RFC2: variants seen among roughly 807,000 people sequenced by gnomAD.
The protein encoded by RFC2 is replication factor C subunit 2, also known as A1 40 kDa subunit.
In RFC2, 34 loss-of-function variants were observed where a neutral mutation model predicts 44.8. The observed-to-expected ratio is 0.76, with a 90% CI of 0.58 to 1.01. RFC2 has a LOEUF of 1.01. Ranked by LOEUF, RFC2 falls within the 50% of genes least tolerant of loss-of-function variation. The pLI is 0.00. For synonymous variants in RFC2, 177 were observed against 168.9 expected (o/e 1.05, Z -0.37); for missense variants, 400 against 453.6 (o/e 0.88, Z 1.07).
Position 74,231,890 on chromosome 7 carries a change from G to A in RFC2, c.*216C>T, listed in dbSNP as rs907250021. ...AGACAGGGTTTCCCCATGTTGGCCA[G>A]GCTGGTCTTGAACTTCTGACCTCAG... On this transcript the variant is annotated 3_prime_UTR_variant, in exon 11 of 11. Transcript: ENST00000055077. The A allele has an allele frequency of 1.2e-5, 5 of 409,678 alleles. No individual in the cohort carries two copies. Among genetic ancestry groups the A allele is most frequent in the African/African-American group, 2.1e-5 (1 of 48,700 alleles). The allele number at this position is 409,678 out of a possible 1,614,324, so 25.4% of individuals were successfully genotyped here.
In RFC2 at chr7:74,232,017, G is replaced by T; in HGVS notation, c.*89C>A. 1.3e-6 allele frequency: 1 copy of T among 794,724 alleles called. No individual in the cohort carries two copies. Among genetic ancestry groups the T allele is most frequent in the Non-Finnish European group, 2.2e-6 (1 of 458,886 alleles). 49.2% of individuals were successfully genotyped at this position (794,724 alleles called of 1,614,324 possible). ...TTAAAGGACAGTCATGTTGGCTCCA[G>T]CCTAAGGCGGCATTTTCCCCCATCA... is the stretch of plus-strand genomic sequence containing the variant. On this transcript the variant is annotated 3_prime_UTR_variant, in exon 11 of 11. Coordinates refer to ENST00000055077, the MANE Select transcript of RFC2 (RefSeq NM_181471.3).
In RFC2 at chr7:74,236,987, C is replaced by CA. The variant is rs1210069152; in HGVS notation, c.840+374dup. Reference sequence around the variant, plus strand: ...ATAAATAAATAAATAAATAAATAAACAAACACAGTGATTTAGGACAAGGAA... The same window carrying CA: ...ATAAATAAATAAATAAATAAATAAACAAAACACAGTGATTTAGGACAAGGAA... On this transcript the variant is annotated intron_variant, in intron 9 of 10. Transcript: ENST00000055077. Among the ~76,000 whole-genome samples, 112 of 150,660 alleles carry CA rather than the reference C, an allele frequency of 7.4e-4. 1 individual carries two copies. Among genetic ancestry groups the CA allele is most frequent in the African/African-American group, 2.7e-3 (107 of 40,320 alleles).
Position 74,254,378 on chromosome 7 carries a change from C to A in RFC2, c.6G>T (p.Glu2Asp). The A allele has an allele frequency of 6.3e-7, 1 of 1,597,652 alleles. No individual in the cohort carries two copies. The highest frequency in any genetic ancestry group is 8.5e-7 in the Non-Finnish European group (1 of 1,170,354). The change falls in exon 1 of 11, where the codon GAG becomes GAT. Residue 2 changes from glutamate to aspartate, a missense_variant. Glu to Asp is a conservative substitution (Grantham distance 45). Transcript: ENST00000055077. The part of the protein sequence containing the change: M[E>D]VEAVCGGAGE... ...CCGCGCCACCACAGACGGCCTCCAC[C>A]TCCATTCTCGCGCCTCCTCTTCCCG...
chr7:74,243,363 T>G (rs2116306731), intron 5 of RFC2, 117 bp from the exon 6 acceptor site: 1 of 703,236 alleles, frequency 1.4e-6, no homozygotes. Context: ...AGGGTCTCAT[T>G]GGAAGTACGC....
In RFC2 at chr7:74,232,053, G is replaced by A; in HGVS notation, c.*53C>T. 1 of 1,081,154 alleles carries A rather than the reference G, an allele frequency of 9.2e-7. No homozygotes were observed. The highest frequency in any genetic ancestry group is 1.4e-6 in the Non-Finnish European group (1 of 705,026). The allele number at this position is 1,081,154 out of a possible 1,614,324, so 67.0% of individuals were successfully genotyped here. A position where few individuals can be genotyped will look rare whatever the true frequency, so the allele number is the denominator to read the frequency against. ...CATTTTCCCCCATCAGAAAGCCGCG[G>A]CTCCTGTACCTCAGAATAGGGCACC... On this transcript the variant is annotated 3_prime_UTR_variant, in exon 11 of 11. Transcript: ENST00000055077.
At chr7:74,247,027 G>A (rs1166207212) in intron 4 of RFC2, among the ~76,000 whole-genome samples, 1 of 145,522 alleles carries the variant, frequency 6.9e-6, no homozygotes, top group Non-Finnish European at 1.5e-5. Context: ...CCAGGCTGGA[G>A]TGCAGTGGCC....
chr7:74,251,175 G>C (rs1040727476), intron 2 of RFC2, among the ~76,000 whole-genome samples: 2 of 151,930 alleles, frequency 1.3e-5, no homozygotes. Flanking sequence ...TCAAAGTAAG[G>C]GTGTCCACTC....
Position 74,231,847 on chromosome 7 carries a change from T to C in RFC2, c.*259A>G, listed in dbSNP as rs6945786. On this transcript the variant is annotated 3_prime_UTR_variant, in exon 11 of 11. Coordinates refer to ENST00000055077, the MANE Select transcript of RFC2 (RefSeq NM_181471.3). ...GGTGCCCGCCACCACACCCAGCTAA[T>C]TTTTATATTTTTAGTAAAGACAGGG... 1.8e-3 allele frequency: 503 copies of C among 284,068 alleles called. 2 individuals are homozygous for C. Among genetic ancestry groups the C allele is most frequent in the African/African-American group, 1.0e-2 (453 of 45,494 alleles). 17.6% of individuals were successfully genotyped at this position (284,068 alleles called of 1,614,324 possible). A position where few individuals can be genotyped will look rare whatever the true frequency, so the allele number is the denominator to read the frequency against.
intron 10 of RFC2, 141 bp downstream of exon 10, chr7:74,235,391 A>G (rs1802956078): frequency 1.5e-6 from 1 of 659,210 alleles, no homozygotes; most frequent in Middle Eastern, 2.8e-4. Flanking sequence ...TACGTTGGCC[A>G]GGCTGGTCTC....
chr7:74,237,275 A>G (rs782267291), intron 9 of RFC2, 87 bp downstream of exon 9: 4 of 833,974 alleles, frequency 4.8e-6, no homozygotes, highest in Non-Finnish European at 8.1e-6. Context: ...TGATGTGTAT[A>G]ATGTCCCTGG....
At chr7:74,242,749 TAAAAAA>T (rs71094767) in intron 6 of RFC2, among the ~76,000 whole-genome samples, 8 of 105,644 alleles carry the variant, frequency 7.6e-5, no homozygotes, top group Admixed American at 6.6e-4. Context: ...CCCCATCTCT[TAAAAAA>T]AAAAAAAAAA....
In RFC2 at chr7:74,232,134, T is replaced by A. The variant is rs1473814198; in HGVS notation, c.1037A>T (p.Gln346Leu). The A allele has an allele frequency of 9.3e-6, 15 of 1,612,306 alleles. No individual in the cohort carries two copies. The highest frequency in any genetic ancestry group is 1.2e-5 in the Non-Finnish European group (14 of 1,178,416). Reference sequence around the variant, plus strand: ...ACTGGCCACCGGGGCCATTGTCTTCTGACACAGCCTTGCCAGGAGGCCTGC... The same window carrying A: ...ACTGGCCACCGGGGCCATTGTCTTCAGACACAGCCTTGCCAGGAGGCCTGC... ...QMAGLLARLCQKTMAPVAS is the reference protein window; with the variant it reads ...QMAGLLARLCLKTMAPVAS Residue 346 changes from glutamine to leucine, a missense_variant, in exon 11 of 11, where the codon CAG becomes CTG. Gln to Leu is a moderately radical substitution (Grantham distance 113). Transcript: ENST00000055077.
intron 3 of RFC2, 83 bp downstream of exon 3, chr7:74,249,656 C>T: frequency 1.7e-6 from 2 of 1,150,496 alleles, no homozygotes; most frequent in Admixed American, 1.7e-5. Context: ...TCCAGGGAGG[C>T]AGCGCTGTGC....
intron 2 of RFC2, among the ~76,000 whole-genome samples, chr7:74,250,333 C>T (rs563824359): frequency 2.6e-5 from 4 of 152,088 alleles, no homozygotes; most frequent in Admixed American, 1.3e-4. Flanking sequence ...GGCTGTCACC[C>T]AGGCTGGAGT....
chr7:74,253,938 AAAGATTG>A lies in RFC2; in HGVS notation c.113+326_113+332del, dbSNP rs562820381. On this transcript the variant is annotated intron_variant, in intron 1 of 10. Transcript: ENST00000055077. ...CAACATGTAATCGATATTTTTTTTA[AAAGATTG>A]AAGTTTTTGAAAACACTAGGTCATA... is the stretch of plus-strand genomic sequence containing the variant. Among the ~76,000 whole-genome samples, 368 of 152,260 alleles carry A rather than the reference AAAGATTG, an allele frequency of 2.4e-3. 3 individuals are homozygous for A. Among genetic ancestry groups the A allele is most frequent in the East Asian group, 0.011 (58 of 5,186 alleles).
Position 74,237,936 on chromosome 7 carries a change from G to A in RFC2, c.760-494C>T, listed in dbSNP as rs547340518. Among the ~76,000 whole-genome samples, 8 of 152,130 alleles carry A rather than the reference G, an allele frequency of 5.3e-5. No individual in the cohort carries two copies. In the East Asian group the frequency reaches 1.2e-3, roughly 22 times the overall value. On this transcript the variant is annotated intron_variant, in intron 8 of 10. Coordinates refer to ENST00000055077, the MANE Select transcript of RFC2 (RefSeq NM_181471.3). ...GCAGGTGCATGGTGCTGGGGACTCC[G>A]TCCTCCCTGCAGCATTCTCCGCAGT...
intron 10 of RFC2, among the ~76,000 whole-genome samples, chr7:74,235,204 G>A (rs1322140655): frequency 6.6e-6 from 1 of 152,168 alleles, no homozygotes; most frequent in African/African-American, 2.4e-5. Context: ...ACCCAGCTAA[G>A]TTTTGTATTT....
At chr7:74,235,412 C>T in intron 10 of RFC2, 120 bp downstream of exon 10, 2 of 721,686 alleles carry the variant, frequency 2.8e-6, no homozygotes, top group East Asian at 5.3e-5. Context: ...GAACTCCTGA[C>T]CTCAGGTGAT....
Position 74,239,787 on chromosome 7 carries a change from G to C in RFC2, c.693+151C>G, listed in dbSNP as rs3135681. On this transcript the variant is annotated intron_variant, in intron 7 of 10. Transcript: ENST00000055077. ...TTCCCTGCCTCTCTTCTTGGAGTCC[G>C]AGCTAGACAGCCCACTGTCCCAGGA... The C allele has an allele frequency of 1.9e-3, 1,310 of 702,112 alleles. 17 individuals are homozygous for C. The African/African-American group carries it at 0.019, about 10-fold the overall frequency. 43.5% of individuals were successfully genotyped at this position (702,112 alleles called of 1,614,324 possible). A position where few individuals can be genotyped will look rare whatever the true frequency, so the allele number is the denominator to read the frequency against.
Sources: allele counts gnomAD v4.1 joint callset (sites outside exome capture counted in the v4.1 genomes callset), GRCh38; gene constraint gnomAD v4.1.1; transcripts MANE v1.5; gene names NCBI Gene and HGNC (gene_info 2026-07-23, HGNC 2026-07-21).